Variants in TECRL observed in about 807,000 individuals in gnomAD.
The protein encoded by TECRL is trans-2,3-enoyl-CoA reductase like.
TECRL carries 63 observed loss-of-function variants against 52.8 expected under a neutral mutation model. That is an observed-to-expected ratio of 1.19 (90% CI 0.97 to 1.47). The LOEUF is 1.47. Ranked by LOEUF, TECRL falls within the 40% of genes most tolerant of loss-of-function variation. TECRL has a pLI of 0.00. For synonymous variants in TECRL, 164 were observed against 141.9 expected (o/e 1.16, Z -1.10); for missense variants, 482 against 429.6 (o/e 1.12, Z -1.08).
chr4:64,392,078 A>C (rs1356824704), intron 1 of TECRL, among the ~76,000 whole-genome samples: 1 of 151,908 alleles, frequency 6.6e-6, no homozygotes, highest in African/African-American at 2.4e-5. Flanking sequence ...TCTGCCCTGC[A>C]TTCTCCTCAC....
At chr4:64,337,257 G>A (rs1433343402) in intron 2 of TECRL, among the ~76,000 whole-genome samples, 14 of 152,068 alleles carry the variant, frequency 9.2e-5, no homozygotes, top group Non-Finnish European at 2.9e-5. Context: ...CAATAAATTA[G>A]GTATTGATGG....
At chr4:64,365,704 A>G (rs1721548373) in intron 2 of TECRL, among the ~76,000 whole-genome samples, 1 of 152,086 alleles carries the variant, frequency 6.6e-6, no homozygotes, top group African/African-American at 2.4e-5. Context: ...TAAGAATTAC[A>G]AAACACTGCT....
intron 2 of TECRL, among the ~76,000 whole-genome samples, chr4:64,366,634 A>T (rs901411206): frequency 6.6e-6 from 1 of 152,170 alleles, no homozygotes; most frequent in Non-Finnish European, 1.5e-5. Context: ...GATGATACAC[A>T]TGCATATGAA....
At chr4:64,347,032 A>G (rs888285933) in intron 2 of TECRL, among the ~76,000 whole-genome samples, 1 of 152,162 alleles carries the variant, frequency 6.6e-6, no homozygotes, top group Admixed American at 6.5e-5. Context: ...GTCAGGTGAA[A>G]AACATCCTTT....
intron 2 of TECRL, among the ~76,000 whole-genome samples, chr4:64,350,108 TAAATAAA>T (rs1720278809): frequency 6.6e-6 from 1 of 151,904 alleles, no homozygotes; most frequent in South Asian, 2.1e-4. Context: ...GGCATTTACT[TAAATAAA>T]AAGTTATCAA....
intron 3 of TECRL, among the ~76,000 whole-genome samples, chr4:64,323,833 G>A (rs937590143): frequency 6.6e-6 from 1 of 152,168 alleles, no homozygotes; most frequent in Non-Finnish European, 1.5e-5. Context: ...CTGACATGAA[G>A]AAGACTACAG....
chr4:64,394,342 G>A (rs1723772901), intron 1 of TECRL, among the ~76,000 whole-genome samples: 1 of 152,082 alleles, frequency 6.6e-6, no homozygotes, highest in Admixed American at 6.6e-5. Context: ...TTGTTGTGTA[G>A]CTAGATTTTT....
chr4:64,315,194 G>A (rs1248927592), intron 4 of TECRL, among the ~76,000 whole-genome samples: 7 of 151,626 alleles, frequency 4.6e-5, no homozygotes, highest in African/African-American at 1.7e-4. Flanking sequence ...CCCTCCATGG[G>A]CCTGTCAGCT....
chr4:64,378,034 CTAAAAG>C (rs2109691984), intron 1 of TECRL, among the ~76,000 whole-genome samples: 1 of 151,912 alleles, frequency 6.6e-6, no homozygotes, highest in South Asian at 2.1e-4. Context: ...AAGAACTTGT[CTAAAAG>C]TAAAAGTACA....
chr4:64,355,103 G>A (rs1339517819), intron 2 of TECRL, among the ~76,000 whole-genome samples: 1 of 152,024 alleles, frequency 6.6e-6, no homozygotes, highest in Non-Finnish European at 1.5e-5. Flanking sequence ...TCAAAGCTTA[G>A]ACTGGGGAAA....
intron 1 of TECRL, 106 bp downstream of exon 1, chr4:64,409,012 G>T: frequency 9.8e-7 from 1 of 1,016,394 alleles, no homozygotes; most frequent in Non-Finnish European, 1.4e-6. Context: ...AGTCAGAAAT[G>T]TATTTCAGAA....
At chr4:64,311,751 T>C (rs1311741305) in intron 5 of TECRL, among the ~76,000 whole-genome samples, 1 of 152,220 alleles carries the variant, frequency 6.6e-6, no homozygotes, top group Non-Finnish European at 1.5e-5. Flanking sequence ...TATTTAATGA[T>C]GTTTAACTTC....
At chr4:64,314,990 TG>T (rs1381655723) in intron 4 of TECRL, among the ~76,000 whole-genome samples, 1 of 152,180 alleles carries the variant, frequency 6.6e-6, no homozygotes, top group African/African-American at 2.4e-5. Flanking sequence ...CCTAATAAAC[TG>T]GTTTCTTTCT....
chr4:64,277,782 T>C lies in TECRL; in HGVS notation c.*2290A>G, dbSNP rs1722624199. On this transcript the variant is annotated 3_prime_UTR_variant, in exon 12 of 12. Transcript: ENST00000381210. ...AGACTAACAAATCTAAAAATCACAA[T>C]TTAAAAATGAAGAAACTGAAAATTT... 8.1e-6 allele frequency: 1 copy of C among 122,844 alleles called. No individual in the cohort carries two copies. The highest frequency in any genetic ancestry group is 1.7e-5 in the Non-Finnish European group (1 of 59,692). 7.6% of individuals were successfully genotyped at this position (122,844 alleles called of 1,614,324 possible).
intron 1 of TECRL, among the ~76,000 whole-genome samples, 197 bp downstream of exon 1, chr4:64,408,921 G>T (rs2109804425): frequency 6.6e-6 from 1 of 152,174 alleles, no homozygotes; most frequent in East Asian, 1.9e-4. Flanking sequence ...AATTTAAATT[G>T]AGTATGAGAG....
At chr4:64,353,493 C>T (rs1182557328) in intron 2 of TECRL, among the ~76,000 whole-genome samples, 1 of 152,046 alleles carries the variant, frequency 6.6e-6, no homozygotes, top group Non-Finnish European at 1.5e-5. Flanking sequence ...AGTTGATAAA[C>T]TGAGTGGATA....
intron 1 of TECRL, among the ~76,000 whole-genome samples, chr4:64,401,698 G>C (rs913973999): frequency 6.6e-6 from 1 of 152,110 alleles, no homozygotes; most frequent in African/African-American, 2.4e-5. Flanking sequence ...AACAAAGCAG[G>C]CATAGCTCTC....
At chr4:64,353,911 G>A (rs1720577576) in intron 2 of TECRL, among the ~76,000 whole-genome samples, 1 of 152,092 alleles carries the variant, frequency 6.6e-6, no homozygotes, top group South Asian at 2.1e-4. Context: ...CTGAAAATGA[G>A]AGGCCAGGAG....
intron 8 of TECRL, among the ~76,000 whole-genome samples, chr4:64,290,762 A>G (rs975060521): frequency 6.6e-6 from 1 of 152,136 alleles, no homozygotes; most frequent in Non-Finnish European, 1.5e-5. Context: ...ATTTAAATCC[A>G]TTTTCATCAT....
Sources: allele counts gnomAD v4.1 joint callset (sites outside exome capture counted in the v4.1 genomes callset), GRCh38; gene constraint gnomAD v4.1.1; transcripts MANE v1.5; gene names NCBI Gene and HGNC (gene_info 2026-07-23, HGNC 2026-07-21).